RPE65: variants seen among roughly 807,000 people sequenced by gnomAD.
RPE65 encodes retinoid isomerohydrolase RPE65, also known as retinoid isomerohydrolase.
RPE65 carries 58 observed loss-of-function variants against 68.5 expected under a neutral mutation model. The observed-to-expected ratio is 0.85, with a 90% CI of 0.69 to 1.05. The LOEUF (loss-of-function observed/expected upper bound fraction) is 1.05. Ranked by LOEUF, RPE65 falls within the 50% of genes least tolerant of loss-of-function variation. RPE65 has a pLI of 0.00. For missense variants in RPE65, 643 were observed against 629.9 expected (o/e 1.02, Z -0.22); for synonymous variants, 220 against 222.2 (o/e 0.99, Z 0.09).
At chr1:68,443,221 A>C (rs913484364) in intron 5 of RPE65, among the ~76,000 whole-genome samples, 6 of 152,226 alleles carry the variant, frequency 3.9e-5, no homozygotes, top group Non-Finnish European at 7.3e-5. Flanking sequence ...CTTGACATTA[A>C]CTACTCTAGG....
intron 1 of RPE65, among the ~76,000 whole-genome samples, chr1:68,449,209 A>G (rs1042741955): frequency 6.6e-6 from 1 of 152,138 alleles, no homozygotes; most frequent in South Asian, 2.1e-4. Context: ...TTGAGAGATG[A>G]CAGCTTTTTG....
At chr1:68,430,986 A>C in intron 13 of RPE65, 79 bp downstream of exon 13, 1 of 1,094,758 alleles carries the variant, frequency 9.1e-7, no homozygotes, top group Non-Finnish European at 1.4e-6. Context: ...GGAATAATCA[A>C]CCTTACTCCT....
At chr1:68,430,266 CAAATAT>C (rs1328235085) in intron 13 of RPE65, among the ~76,000 whole-genome samples, 1 of 152,168 alleles carries the variant, frequency 6.6e-6, no homozygotes, top group Non-Finnish European at 1.5e-5. Flanking sequence ...CTGTAACATA[CAAATAT>C]AGCACCTGCT....
At chr1:68,441,156 G>A (rs746236242) in intron 5 of RPE65, among the ~76,000 whole-genome samples, 156 bp from the exon 6 acceptor site, 16 of 152,046 alleles carry the variant, frequency 1.1e-4, no homozygotes, top group Non-Finnish European at 2.2e-4. Context: ...TTCACCTTGA[G>A]TTCCCACCTT....
intron 5 of RPE65, among the ~76,000 whole-genome samples, chr1:68,441,526 A>G (rs1328700742): frequency 6.6e-6 from 1 of 152,100 alleles, no homozygotes. Context: ...CTTTAGGAGA[A>G]CCATGGATCT....
At position 68,444,540 on chromosome 1, in the gene RPE65, T is replaced by C. The variant is rs1645927334; in HGVS notation, c.486A>G (p.Thr162=). Residue 162 remains threonine, a synonymous_variant, in exon 5 of 14, where the codon ACA becomes ACG. Coordinates refer to ENST00000262340, the MANE Select transcript of RPE65 (RefSeq NM_000329.3). ...ITKINPETLE[T]IKQVDLCNYV... ...TAGCACTGTGTCCCACCTGCTTAAT[T>C]GTCTCCAAGGTCTCTGGATTAATCT... is the stretch of plus-strand genomic sequence containing the variant. The C allele has an allele frequency of 2.5e-6, 4 of 1,614,044 alleles. No individual in the cohort carries two copies. Among genetic ancestry groups the C allele is most frequent in the Non-Finnish European group, 2.5e-6 (3 of 1,180,014 alleles).
At chr1:68,438,404 G>C in intron 9 of RPE65, 88 bp from the exon 10 acceptor site, 1 of 1,475,430 alleles carries the variant, frequency 6.8e-7, no homozygotes, top group Non-Finnish European at 9.3e-7. Context: ...ACAAGTGCCT[G>C]CCTGTTCTTT....
In RPE65 at chr1:68,444,784, T is replaced by C. The variant is rs1645929640; in HGVS notation, c.345A>G (p.Ile115Met). The C allele has an allele frequency of 1.2e-6, 2 of 1,613,990 alleles. No individual in the cohort carries two copies. The highest frequency in any genetic ancestry group is 1.3e-5 in the African/African-American group (1 of 74,934). ...TCAFPDPCKN[I>M]FSRFFSYFRG... ...AGTTTGGGTTCAGTAACCTGGAAAA[T>C]ATATTCTTGCAGGGATCTGGGAAAG... is the stretch of plus-strand genomic sequence containing the variant. The change falls in exon 4 of 14, where the codon ATA becomes ATG. Residue 115 changes from isoleucine (I) to methionine (M), a missense_variant. By Grantham distance (10) the Ile-to-Met change is conservative. Transcript: ENST00000262340.
chr1:68,435,302 C>T (rs1468110157), intron 10 of RPE65, among the ~76,000 whole-genome samples: 1 of 152,084 alleles, frequency 6.6e-6, no homozygotes, highest in Non-Finnish European at 1.5e-5. Context: ...TTCTCTGGCT[C>T]TCAAATTCTT....
rs549714604 is a variant in RPE65, at chr1:68,443,685, CT to C, written c.495+845del. Reference sequence around the variant, plus strand: ...ATTTATGCTTTCTTAAAAGATTTTCCTTCTTAAAAGACTCGTCATATTCTTT... The same window carrying C: ...ATTTATGCTTTCTTAAAAGATTTTCCTCTTAAAAGACTCGTCATATTCTTT... On this transcript the variant is annotated intron_variant, in intron 5 of 13. Coordinates refer to ENST00000262340, the MANE Select transcript of RPE65 (RefSeq NM_000329.3). 1.8e-3 allele frequency among the ~76,000 whole-genome samples: 269 copies of C among 152,108 alleles called. 1 individual carries two copies. The highest frequency in any genetic ancestry group is 5.0e-3 in the African/African-American group (206 of 41,494).
At chr1:68,437,760 T>A (rs566725072) in intron 10 of RPE65, among the ~76,000 whole-genome samples, 2 of 152,326 alleles carry the variant, frequency 1.3e-5, no homozygotes, top group East Asian at 3.9e-4. Context: ...TCAGAAGATT[T>A]ATAGAAAACC....
At chr1:68,446,910 A>G (rs375357584) in intron 2 of RPE65, 50 bp from the exon 3 acceptor site, 62 of 1,611,674 alleles carry the variant, frequency 3.8e-5, no homozygotes, top group Middle Eastern at 2.2e-4. Context: ...GCCTTGGGCT[A>G]GGCTTGTCCT....
chr1:68,444,397 T>C, intron 5 of RPE65, 134 bp downstream of exon 5: 3 of 1,157,250 alleles, frequency 2.6e-6, no homozygotes, highest in Non-Finnish European at 3.8e-6. Flanking sequence ...GCAGTCCATT[T>C]GGAGCTTGGA....
At chr1:68,432,433 A>G (rs2100809309) in intron 10 of RPE65, among the ~76,000 whole-genome samples, 1 of 152,298 alleles carries the variant, frequency 6.6e-6, no homozygotes, top group South Asian at 2.1e-4. Flanking sequence ...GGTCTCTTTG[A>G]ACAGGTGGCA....
rs1242924182 is a variant in RPE65 at position 68,438,980 on chromosome 1, G to A, written c.960C>T (p.Asp320=). ...AGAGATCCACAATCAGAAACCCATT[G>A]TCTTCATAGGTGTTGATGTGATGGA... ...NLFHHINTYE[D]NGFLIVDLCC... is the part of the protein sequence containing the mutation. Residue 320 remains aspartate (D), a synonymous_variant, in exon 9 of 14, where the codon GAC becomes GAT. Transcript: ENST00000262340. 1.2e-6 allele frequency: 2 copies of A among 1,613,928 alleles called. No homozygotes were observed. The highest frequency in any genetic ancestry group is 1.3e-5 in the African/African-American group (1 of 74,914).
chr1:68,447,192 A>G (rs893303818), intron 2 of RPE65, among the ~76,000 whole-genome samples: 1 of 152,334 alleles, frequency 6.6e-6, no homozygotes, highest in East Asian at 1.9e-4. Flanking sequence ...GCCTTTTGCC[A>G]TCTCATTTTT....
At position 68,444,656 on chromosome 1, in the gene RPE65, G is replaced by A. The variant is rs61752877; in HGVS notation, c.370C>T (p.Arg124Ter). ...NIFSRFFSYFRGVEVTDNALV... is the reference protein window; with the variant it reads ...NIFSRFFSYF ...GCATTGTCAGTAACCTCTACTCCTCGAAAGTAAGAAAAAAACCTGTAGAAA... is the reference window on the plus strand; with the variant it reads ...GCATTGTCAGTAACCTCTACTCCTCAAAAGTAAGAAAAAAACCTGTAGAAA... The change falls in exon 5 of 14, where the codon CGA becomes TGA. Residue 124 changes from arginine (R) to a stop codon, truncating the protein, a stop_gained. Transcript: ENST00000262340. LOFTEE classifies it high-confidence loss of function. 44 of 1,613,918 alleles carry A rather than the reference G, an allele frequency of 2.7e-5. No homozygotes were observed. The African/African-American group carries it at 3.1e-4, about 11-fold the overall frequency.
intron 5 of RPE65, among the ~76,000 whole-genome samples, chr1:68,442,291 G>A (rs1218670923): frequency 6.6e-6 from 1 of 152,194 alleles, no homozygotes; most frequent in Non-Finnish European, 1.5e-5. Flanking sequence ...TAGCCAAGTG[G>A]AGCAGGATGA....
chr1:68,441,301 G>A (rs1019936496), intron 5 of RPE65, among the ~76,000 whole-genome samples: 1 of 152,138 alleles, frequency 6.6e-6, no homozygotes, highest in African/African-American at 2.4e-5. Context: ...GAAACCATAA[G>A]TTTGAGTCCT....
Sources: allele counts gnomAD v4.1 joint callset (sites outside exome capture counted in the v4.1 genomes callset), GRCh38; gene constraint gnomAD v4.1.1; transcripts MANE v1.5; gene names NCBI Gene and HGNC (gene_info 2026-07-23, HGNC 2026-07-21).